The following UNC5C variants were observed in gnomAD, a reference collection of about 807,000 sequenced individuals.
The protein encoded by UNC5C is netrin receptor UNC5C.
A neutral mutation model predicts 99.8 loss-of-function variants in UNC5C; 47 were observed. That is an observed-to-expected ratio of 0.47 (90% CI 0.37 to 0.60). The LOEUF (loss-of-function observed/expected upper bound fraction) is 0.60. Ranked by LOEUF, UNC5C falls within the 20% of genes least tolerant of loss-of-function variation. The pLI, the probability that UNC5C is intolerant of heterozygous loss-of-function variation, is 0.00. For missense variants in UNC5C, 1,062 were observed against 1,165.9 expected (o/e 0.91, Z 1.30); for synonymous variants, 487 against 452.2 (o/e 1.08, Z -0.98).
At chr4:95,456,056 G>T (rs1231114551) in intron 1 of UNC5C, among the ~76,000 whole-genome samples, 1 of 151,954 alleles carries the variant, frequency 6.6e-6, no homozygotes, top group Non-Finnish European at 1.5e-5. Context: ...GACATCTAGG[G>T]ACTTTGTTCC....
chr4:95,192,257 C>G (rs1579216335), intron 12 of UNC5C, among the ~76,000 whole-genome samples: 1 of 141,678 alleles, frequency 7.1e-6, no homozygotes, highest in Admixed American at 7.0e-5. Context: ...GTTCACCCTC[C>G]TTTCCTGCTC....
At chr4:95,379,793 CG>C (rs1327995337) in intron 1 of UNC5C, among the ~76,000 whole-genome samples, 1 of 152,042 alleles carries the variant, frequency 6.6e-6, no homozygotes, top group Non-Finnish European at 1.5e-5. Context: ...ACTTCTTAGG[CG>C]CGATAAGGAG....
At chr4:95,225,465 C>T (rs1046301348) in intron 7 of UNC5C, among the ~76,000 whole-genome samples, 2 of 151,968 alleles carry the variant, frequency 1.3e-5, no homozygotes, top group African/African-American at 2.4e-5. Context: ...TCAAATGGAG[C>T]AAGGTGATAG....
chr4:95,293,384 C>G (rs1419286128), intron 3 of UNC5C, among the ~76,000 whole-genome samples: 1 of 141,496 alleles, frequency 7.1e-6, no homozygotes, highest in Non-Finnish European at 1.5e-5. Flanking sequence ...CTCACTGCAG[C>G]CTTGACCTCC....
chr4:95,499,165 G>A (rs905707787), intron 1 of UNC5C, among the ~76,000 whole-genome samples: 1 of 152,062 alleles, frequency 6.6e-6, no homozygotes, highest in African/African-American at 2.4e-5. Context: ...TTGAGAAAAG[G>A]TTGGAATCTG....
In UNC5C at chr4:95,179,307, G is replaced by GTGAT. The variant is rs539740476; in HGVS notation, c.2451+3586_2451+3589dup. ...AAACAGATGAAATGGCTGTAGCAGA[G>GTGAT]TGATATTACTTTGTACATTTATTTT... is the stretch of plus-strand genomic sequence containing the variant. On this transcript the variant is annotated intron_variant, in intron 14 of 15. Coordinates refer to ENST00000453304, the MANE Select transcript of UNC5C (RefSeq NM_003728.4). Among the ~76,000 whole-genome samples the GTGAT allele has an allele frequency of 1.2e-3, 188 of 152,320 alleles. 1 individual carries two copies. The highest frequency in any genetic ancestry group is 4.4e-3 in the African/African-American group (184 of 41,560).
intron 1 of UNC5C, among the ~76,000 whole-genome samples, chr4:95,349,604 A>C (rs2149428492): frequency 6.6e-6 from 1 of 151,834 alleles, no homozygotes; most frequent in South Asian, 2.1e-4. Flanking sequence ...AGAGAAATAA[A>C]ATATTCCCAC....
rs190433083 is a variant in UNC5C at position 95,503,728 on chromosome 4, G to A, written c.124+45006C>T. Among the ~76,000 whole-genome samples the A allele has an allele frequency of 8.5e-4, 129 of 152,144 alleles. 1 individual carries two copies. The Middle Eastern group carries it at 0.014, about 16-fold the overall frequency. On this transcript the variant is annotated intron_variant, in intron 1 of 15. Transcript: ENST00000453304. ...TTATATTTCTGTCCTTTTACTTGAAGAATATTCAAAACCATTTAGCCAACT... is the reference window on the plus strand; with the variant it reads ...TTATATTTCTGTCCTTTTACTTGAAAAATATTCAAAACCATTTAGCCAACT...
chr4:95,311,523 A>C (rs1742275490), intron 2 of UNC5C, among the ~76,000 whole-genome samples: 1 of 152,142 alleles, frequency 6.6e-6, no homozygotes. Flanking sequence ...TGTTTCAGGC[A>C]TTCATGAGTA....
chr4:95,296,738 T>A (rs1425018597), intron 3 of UNC5C, among the ~76,000 whole-genome samples: 1 of 152,252 alleles, frequency 6.6e-6, no homozygotes, highest in Non-Finnish European at 1.5e-5. Flanking sequence ...AATAGCTTTC[T>A]TTCCTTGTGC....
intron 1 of UNC5C, among the ~76,000 whole-genome samples, chr4:95,415,939 C>G (rs115992404): frequency 2.0e-3 from 300 of 151,604 alleles, no homozygotes; most frequent in Non-Finnish European, 3.4e-3. Flanking sequence ...CTGGCAATAA[C>G]TGAAAGACAA....
At chr4:95,524,525 T>A (rs1722448593) in intron 1 of UNC5C, among the ~76,000 whole-genome samples, 1 of 152,164 alleles carries the variant, frequency 6.6e-6, no homozygotes, top group Admixed American at 6.5e-5. Context: ...AATTGAGATC[T>A]GGGTTTTCTT....
At chr4:95,484,184 T>G (rs1035226307) in intron 1 of UNC5C, among the ~76,000 whole-genome samples, 2 of 151,754 alleles carry the variant, frequency 1.3e-5, no homozygotes, top group Non-Finnish European at 2.9e-5. Flanking sequence ...GCCACATGGG[T>G]GGGTGTATAT....
At chr4:95,420,071 T>C (rs988211494) in intron 1 of UNC5C, among the ~76,000 whole-genome samples, 1 of 152,194 alleles carries the variant, frequency 6.6e-6, no homozygotes, top group Non-Finnish European at 1.5e-5. Flanking sequence ...TGAATACCTA[T>C]AATCAGATGC....
chr4:95,289,432 G>A (rs1210660601), intron 3 of UNC5C, among the ~76,000 whole-genome samples: 1 of 152,150 alleles, frequency 6.6e-6, no homozygotes, highest in African/African-American at 2.4e-5. Context: ...CTCACTTTCT[G>A]ACCTAGGCCT....
chr4:95,435,574 A>G (rs571714827), intron 1 of UNC5C, among the ~76,000 whole-genome samples: 1 of 152,242 alleles, frequency 6.6e-6, no homozygotes, highest in Non-Finnish European at 1.5e-5. Context: ...GCTACATAGC[A>G]ATATACAAAA....
rs752254747 is a variant in UNC5C at position 95,183,077 on chromosome 4, G to GTGTT, written c.2287-20_2287-17dup. ...ATGGAATTTCCTAAAGGATATGAAA[G>GTGTT]TGTTAACCACAATTGAAGGACTAAT... On this transcript the variant is annotated splice_polypyrimidine_tract_variant and intron_variant, in intron 13 of 15. Coordinates refer to ENST00000453304, the MANE Select transcript of UNC5C (RefSeq NM_003728.4). 3 of 1,590,974 alleles carry GTGTT rather than the reference G, an allele frequency of 1.9e-6. No individual in the cohort carries two copies. The highest frequency in any genetic ancestry group is 1.7e-6 in the Non-Finnish European group (2 of 1,162,040).
At chr4:95,522,211 A>G (rs1722379107) in intron 1 of UNC5C, among the ~76,000 whole-genome samples, 2 of 152,036 alleles carry the variant, frequency 1.3e-5, no homozygotes, top group South Asian at 2.1e-4. Flanking sequence ...CTAATACTCT[A>G]TATTTTAAAA....
intron 1 of UNC5C, among the ~76,000 whole-genome samples, chr4:95,524,867 C>T (rs1364773709): frequency 6.6e-6 from 1 of 152,180 alleles, no homozygotes; most frequent in African/African-American, 2.4e-5. Flanking sequence ...ACATTAACTC[C>T]TGTGTGAACT....
Sources: gnomAD v4.1 joint callset for allele counts (sites outside exome capture counted in the v4.1 genomes callset) on GRCh38, gnomAD v4.1.1 for gene constraint, MANE v1.5 for transcripts, NCBI Gene and HGNC (gene_info 2026-07-23, HGNC 2026-07-21) for gene names.